The following TTC28 variants were observed in gnomAD, a reference collection of about 807,000 sequenced individuals.
The protein encoded by TTC28 is tetratricopeptide repeat domain 28.
In TTC28, 61 loss-of-function variants were observed where a neutral mutation model predicts 198.0. The ratio of observed to expected loss-of-function variants is 0.31; its 90% CI spans 0.25 to 0.38. The LOEUF (loss-of-function observed/expected upper bound fraction) is 0.38. Ranked by LOEUF, TTC28 falls within the 10% of genes least tolerant of loss-of-function variation. The pLI, the probability that TTC28 is intolerant of heterozygous loss-of-function variation, is 1.00. For synonymous variants in TTC28, 1,171 were observed against 1,297.8 expected, an observed-to-expected ratio of 0.90 and a Z score of 2.10; for missense variants, 2,678 against 3,164.0, an observed-to-expected ratio of 0.85 and a Z score of 3.69.
chr22:28,475,081 C>T (rs1404003645), intron 2 of TTC28, among the ~76,000 whole-genome samples: 5 of 128,614 alleles, frequency 3.9e-5, no homozygotes, highest in Non-Finnish European at 6.2e-5. Flanking sequence ...ACCCAGGAGG[C>T]AGAGCTTGCA....
At chr22:28,288,356 T>G (rs1418194775) in intron 5 of TTC28, among the ~76,000 whole-genome samples, 1 of 152,188 alleles carries the variant, frequency 6.6e-6, no homozygotes. Flanking sequence ...TTTGGGAAAC[T>G]GGCAAAAACT....
intron 14 of TTC28, among the ~76,000 whole-genome samples, chr22:28,011,835 C>A (rs1168974769): frequency 6.6e-6 from 1 of 152,202 alleles, no homozygotes; most frequent in Non-Finnish European, 1.5e-5. Context: ...CGCCAGATGA[C>A]CTGAGCCTCA....
chr22:28,672,569 G>A (rs1279306570), intron 1 of TTC28, among the ~76,000 whole-genome samples: 1 of 152,074 alleles, frequency 6.6e-6, no homozygotes, highest in Non-Finnish European at 1.5e-5. Context: ...TAAAATGCTG[G>A]GATTACAGGC....
chr22:28,322,004 G>T (rs1404095061), intron 2 of TTC28, among the ~76,000 whole-genome samples: 1 of 152,080 alleles, frequency 6.6e-6, no homozygotes, highest in African/African-American at 2.4e-5. Flanking sequence ...GCTAATTTTT[G>T]TATTTTTAGT....
chr22:28,502,366 C>A (rs571670363), intron 2 of TTC28, among the ~76,000 whole-genome samples: 22 of 151,976 alleles, frequency 1.4e-4, no homozygotes, highest in Non-Finnish European at 2.9e-4. Context: ...ATGGGCCAGG[C>A]GCAGTGGCTT....
intron 6 of TTC28, among the ~76,000 whole-genome samples, chr22:28,162,001 T>A (rs145056100): frequency 1.2e-3 from 188 of 152,224 alleles, no homozygotes; most frequent in Non-Finnish European, 2.3e-3. Flanking sequence ...CAACTTCTCT[T>A]TGTCCTCTCC....
chr22:28,456,782 G>C (rs916762451), intron 2 of TTC28, among the ~76,000 whole-genome samples: 2 of 152,112 alleles, frequency 1.3e-5, no homozygotes, highest in African/African-American at 4.8e-5. Flanking sequence ...CACGATGTTG[G>C]CCAGGATGGT....
Position 28,306,564 on chromosome 22 carries a change from G to A in TTC28, c.461C>T (p.Ala154Val). Residue 154 changes from alanine to valine, a missense_variant, in exon 3 of 23, where the codon GCT (alanine) becomes GTT (valine). Physicochemically the swap from Ala to Val is moderately conservative, Grantham distance 64. This residue lies in a region of TTC28 where 176 missense variants were observed against 197.9 expected (regional missense o/e 0.89). Coordinates refer to ENST00000397906, the MANE Select transcript of TTC28 (RefSeq NM_001145418.2). ...DALAAFASGL[A>V]QDPKSLQLLV... is the part of the protein sequence containing the mutation. ...AAGCTGGAGACTCTTGGGGTCTTGA[G>A]CCAGTCCAGATGCAAAGGCTGCCAG... is the stretch of plus-strand genomic sequence containing the variant. 1 of 1,551,496 alleles carries A rather than the reference G, an allele frequency of 6.4e-7. No homozygotes were observed.
intron 2 of TTC28, among the ~76,000 whole-genome samples, chr22:28,391,996 A>T (rs1023134353): frequency 2.0e-5 from 3 of 152,072 alleles, no homozygotes; most frequent in African/African-American, 7.2e-5. Context: ...GTCTTTGATG[A>T]TGGTGATGTA....
In TTC28 at chr22:28,316,864, G is replaced by A. The variant is rs191184426; in HGVS notation, c.382-10221C>T. 2.1e-4 allele frequency among the ~76,000 whole-genome samples: 32 copies of A among 152,212 alleles called. No homozygotes were observed. The East Asian group carries it at 5.6e-3, about 27-fold the overall frequency. ...TCACTGCAGCTTTGAACCCCTGAGT[G>A]CAAGTGATCCTCCCACTTAAGCCTC... On this transcript the variant is annotated intron_variant, in intron 2 of 22. Transcript: ENST00000397906.
chr22:27,980,149 T>TAA lies in TTC28; in HGVS notation c.*2070_*2071dup, dbSNP rs1936964496. The TAA allele has an allele frequency of 6.6e-6, 1 of 152,238 alleles. No individual in the cohort carries two copies. The highest frequency in any genetic ancestry group is 2.1e-4 in the South Asian group (1 of 4,834). The allele number at this position is 152,238 out of a possible 1,614,324, so 9.4% of individuals were successfully genotyped here. On this transcript the variant is annotated 3_prime_UTR_variant, in exon 23 of 23. Coordinates refer to ENST00000397906, the MANE Select transcript of TTC28 (RefSeq NM_001145418.2). ...GAAAGAAGGAGGCTGAGAGATTTGCTAAGAGAGGGACAGCCTAACCATCTG... is the reference window on the plus strand; with the variant it reads ...GAAAGAAGGAGGCTGAGAGATTTGCTAAAAGAGAGGGACAGCCTAACCATCTG...
intron 2 of TTC28, among the ~76,000 whole-genome samples, chr22:28,498,259 T>C (rs2048484938): frequency 6.6e-6 from 1 of 152,120 alleles, no homozygotes. Flanking sequence ...TCAACCACGA[T>C]AAGGTTCAAC....
At chr22:28,205,993 C>CAA (rs578027021) in intron 5 of TTC28, among the ~76,000 whole-genome samples, 64 of 129,200 alleles carry the variant, frequency 5.0e-4, no homozygotes, top group East Asian at 6.8e-4. Flanking sequence ...CATGGGGTGT[C>CAA]AAAAAAAAAA....
chr22:28,319,099 A>G (rs1439334910), intron 2 of TTC28, among the ~76,000 whole-genome samples: 1 of 152,080 alleles, frequency 6.6e-6, no homozygotes, highest in Non-Finnish European at 1.5e-5. Context: ...AAGTGCTGCA[A>G]TTACAAATGT....
Position 27,998,993 on chromosome 22 carries a change from A to G in TTC28, c.4666T>C (p.Leu1556=). 6.4e-7 allele frequency: 1 copy of G among 1,550,686 alleles called. No individual in the cohort carries two copies. Among genetic ancestry groups the G allele is most frequent in the Non-Finnish European group, 8.7e-7 (1 of 1,146,998 alleles). The part of the protein sequence containing the change: ...ATHISWKLSA[L]VLTPSMDGNP... ...CCGTCCATGCTGGGCGTGAGGACCA[A>G]GGCCGACAGCTTCCAGGAGATGTGG... The change falls in exon 16 of 23, where the codon TTG becomes CTG. Residue 1556 remains leucine, a synonymous_variant. Coordinates refer to ENST00000397906, the MANE Select transcript of TTC28 (RefSeq NM_001145418.2).
chr22:28,445,474 AGAG>A (rs1360181322), intron 2 of TTC28, among the ~76,000 whole-genome samples: 1 of 152,258 alleles, frequency 6.6e-6, no homozygotes, highest in Admixed American at 6.5e-5. Flanking sequence ...GTAAAAATTC[AGAG>A]GAGACACAGC....
chr22:28,676,127 C>T (rs1365871388), intron 1 of TTC28, among the ~76,000 whole-genome samples: 2 of 152,026 alleles, frequency 1.3e-5, no homozygotes, highest in African/African-American at 4.8e-5. Flanking sequence ...TGCCTATCAA[C>T]AGAGGAACTG....
At chr22:27,996,906 T>C (rs1483299653) in intron 16 of TTC28, among the ~76,000 whole-genome samples, 1 of 152,214 alleles carries the variant, frequency 6.6e-6, no homozygotes, top group East Asian at 1.9e-4. Flanking sequence ...AATGGTTTCA[T>C]CCAGAACAAA....
chr22:28,062,510 C>T (rs1940589577), intron 12 of TTC28, among the ~76,000 whole-genome samples: 1 of 149,286 alleles, frequency 6.7e-6, no homozygotes, highest in African/African-American at 2.5e-5. Flanking sequence ...CTCTCTGTCA[C>T]CTAGGCCATA....
Sources: allele counts gnomAD v4.1 joint callset (sites outside exome capture counted in the v4.1 genomes callset), GRCh38; gene constraint gnomAD v4.1.1; regional missense constraint gnomAD v4.1.1; transcripts MANE v1.5; gene names NCBI Gene and HGNC (gene_info 2026-07-23, HGNC 2026-07-21).